LIMCH1: variants seen among roughly 807,000 people sequenced by gnomAD.
LIMCH1 encodes the protein LIM and calponin homology domains-containing protein 1.
A neutral mutation model predicts 176.5 loss-of-function variants in LIMCH1; 113 were observed. The ratio of observed to expected loss-of-function variants is 0.64; its 90% confidence interval spans 0.55 to 0.75. LIMCH1 has a LOEUF of 0.75. Ranked by LOEUF, LIMCH1 falls within the 30% of genes least tolerant of loss-of-function variation. The pLI is 0.00. For missense variants in LIMCH1, 1,674 were observed against 1,814.9 expected, an observed-to-expected ratio of 0.92 and a Z score of 1.41; for synonymous variants, 619 against 645.9, an observed-to-expected ratio of 0.96 and a Z score of 0.63.
chr4:41,560,782 A>T (rs570654068), intron 1 of LIMCH1, among the ~76,000 whole-genome samples: 1 of 152,182 alleles, frequency 6.6e-6, no homozygotes, highest in South Asian at 2.1e-4. Flanking sequence ...ACTTTGGGAG[A>T]CCAAGGTAGA....
chr4:41,484,598 A>C (rs1336648053), intron 1 of LIMCH1, among the ~76,000 whole-genome samples: 1 of 152,270 alleles, frequency 6.6e-6, no homozygotes, highest in Non-Finnish European at 1.5e-5. Context: ...GAGTAAGCAT[A>C]ATGAGCTACA....
At chr4:41,410,612 C>T (rs533442757) in intron 1 of LIMCH1, among the ~76,000 whole-genome samples, 8 of 152,236 alleles carry the variant, frequency 5.3e-5, no homozygotes, top group African/African-American at 1.9e-4. Context: ...GGAACTAACT[C>T]TCTGTGCTCC....
intron 1 of LIMCH1, among the ~76,000 whole-genome samples, chr4:41,563,583 A>G (rs887680622): frequency 5.3e-5 from 8 of 152,184 alleles, no homozygotes; most frequent in Non-Finnish European, 1.0e-4. Context: ...CATTGTCCTG[A>G]ATTTGTAGTT....
intron 1 of LIMCH1, among the ~76,000 whole-genome samples, chr4:41,436,722 G>A (rs947342775): frequency 2.0e-5 from 3 of 152,106 alleles, no homozygotes; most frequent in African/African-American, 7.2e-5. Context: ...GCCTTCGTGT[G>A]TGTTTCAGTC....
intron 1 of LIMCH1, among the ~76,000 whole-genome samples, chr4:41,363,218 G>A (rs1024066373): frequency 5.3e-5 from 8 of 152,152 alleles, no homozygotes; most frequent in Admixed American, 5.2e-4. Flanking sequence ...CAGTTGCCTT[G>A]TGAACAAAGA....
At chr4:41,548,528 C>T (rs764685671) in intron 1 of LIMCH1, among the ~76,000 whole-genome samples, 1 of 152,186 alleles carries the variant, frequency 6.6e-6, no homozygotes, top group Non-Finnish European at 1.5e-5. Context: ...ACACCATCAA[C>T]TGGCCCTATC....
Position 41,483,597 on chromosome 4 carries a change from C to G in LIMCH1, c.97-10939C>G, listed in dbSNP as rs28488020. ...TGGCACACAAGGCCCTTCCCCATCTCGACCATGCCTACTCTGGCACCTCAT... is the reference window on the plus strand; with the variant it reads ...TGGCACACAAGGCCCTTCCCCATCTGGACCATGCCTACTCTGGCACCTCAT... On this transcript the variant is annotated intron_variant, in intron 1 of 26. Coordinates refer to the LIMCH1 transcript ENST00000313860. 1.6e-3 allele frequency among the ~76,000 whole-genome samples: 250 copies of G among 152,136 alleles called. 1 individual carries two copies. Among genetic ancestry groups the G allele is most frequent in the Non-Finnish European group, 3.2e-3 (218 of 68,020 alleles).
chr4:41,511,843 T>G (rs2074962768), intron 2 of LIMCH1, among the ~76,000 whole-genome samples: 2 of 152,230 alleles, frequency 1.3e-5, no homozygotes, highest in African/African-American at 4.8e-5. Flanking sequence ...AGTAAATCTT[T>G]GTGACCTTGG....
intron 1 of LIMCH1, among the ~76,000 whole-genome samples, chr4:41,412,284 C>A (rs545557013): frequency 6.6e-6 from 1 of 152,182 alleles, no homozygotes; most frequent in African/African-American, 2.4e-5. Context: ...AAAAAAGTGT[C>A]AAGTTGAAAA....
intron 1 of LIMCH1, among the ~76,000 whole-genome samples, chr4:41,371,352 T>G (rs2053931479): frequency 6.6e-6 from 1 of 152,152 alleles, no homozygotes; most frequent in South Asian, 2.1e-4. Context: ...GTCAGTAGGG[T>G]GGTTAGGACC....
intron 2 of LIMCH1, among the ~76,000 whole-genome samples, chr4:41,502,356 T>C (rs956871162): frequency 1.3e-5 from 2 of 152,240 alleles, no homozygotes; most frequent in African/African-American, 4.8e-5. Context: ...TTGTGAATAG[T>C]GCTGCAATGA....
At chr4:41,374,663 C>T (rs1377348) in intron 1 of LIMCH1, among the ~76,000 whole-genome samples, 56,134 of 151,832 alleles carry the variant, frequency 0.37, 11,861 homozygotes, top group African/African-American at 0.59. Context: ...TGCTCATTGA[C>T]GTTCTGGAGG....
At chr4:41,397,834 T>A (rs977844496) in intron 1 of LIMCH1, among the ~76,000 whole-genome samples, 2 of 152,160 alleles carry the variant, frequency 1.3e-5, no homozygotes, top group Admixed American at 1.3e-4. Context: ...ATTTATATAT[T>A]TATATTTCTC....
intron 26 of LIMCH1, among the ~76,000 whole-genome samples, chr4:41,683,756 C>T (rs1718233925): frequency 6.6e-6 from 1 of 152,148 alleles, no homozygotes. Flanking sequence ...GGATGACTTT[C>T]CAGTTTAAAC....
chr4:41,404,131 C>T (rs1169408641), intron 1 of LIMCH1, among the ~76,000 whole-genome samples: 1 of 152,126 alleles, frequency 6.6e-6, no homozygotes, highest in Non-Finnish European at 1.5e-5. Context: ...GCACCATAGA[C>T]ATTTTTTCTT....
chr4:41,650,563 C>T lies in LIMCH1; in HGVS notation c.2991C>T (p.Ile997=), dbSNP rs150722592. The change falls in exon 18 of 32, where the codon ATC becomes ATT. Residue 997 remains isoleucine (I), a synonymous_variant. Transcript: ENST00000503057. ...AGCTGAAACAAGACAACGGTAGCAT[C>T]GAGATCAACATAAAGAAGCCAAACT... The part of the protein sequence containing the change: ...PLELKQDNGS[I]EINIKKPNSV... 3.3e-5 allele frequency: 54 copies of T among 1,613,892 alleles called. No individual in the cohort carries two copies. In the East Asian group the frequency reaches 7.3e-4, roughly 22 times the overall value.
At chr4:41,475,234 A>G (rs2067553682) in intron 1 of LIMCH1, among the ~76,000 whole-genome samples, 1 of 152,232 alleles carries the variant, frequency 6.6e-6, no homozygotes, top group African/African-American at 2.4e-5. Flanking sequence ...AGTATATGCA[A>G]GTTTAGAAGT....
intron 1 of LIMCH1, among the ~76,000 whole-genome samples, chr4:41,577,437 A>G (rs2084676684): frequency 6.6e-6 from 1 of 152,058 alleles, no homozygotes; most frequent in Admixed American, 6.6e-5. Context: ...TTATTTATTT[A>G]TTTACTTTTT....
chr4:41,460,458 C>CTTTATATA, intron 1 of LIMCH1, among the ~76,000 whole-genome samples: 1 of 110,552 alleles, frequency 9.0e-6, no homozygotes, highest in African/African-American at 4.0e-5. Context: ...TAGTAATCAT[C>CTTTATATA]TATATATATA....
Sources: allele counts gnomAD v4.1 joint callset (sites outside exome capture counted in the v4.1 genomes callset), GRCh38; gene constraint gnomAD v4.1.1; transcripts MANE v1.5; gene names NCBI Gene and HGNC (gene_info 2026-07-23, HGNC 2026-07-21).